Variants in CDH12 observed in about 807,000 individuals in gnomAD.
CDH12 encodes cadherin-12.
In CDH12, 41 loss-of-function variants were observed where a neutral mutation model predicts 74.1. The observed-to-expected ratio is 0.55, with a 90% CI of 0.43 to 0.72. The LOEUF (loss-of-function observed/expected upper bound fraction) is 0.72. Among genes scored for constraint, CDH12 ranks in the 30% least tolerant of loss-of-function variants. The pLI is 0.00. For missense variants in CDH12, 945 were observed against 977.2 expected (o/e 0.97, Z 0.44); for synonymous variants, 399 against 355.0 (o/e 1.12, Z -1.39).
At chr5:22,350,858 T>C (rs1580552037) in intron 3 of CDH12, among the ~76,000 whole-genome samples, 2 of 152,280 alleles carry the variant, frequency 1.3e-5, no homozygotes, top group East Asian at 3.9e-4. Flanking sequence ...GTTATGTTTA[T>C]AGGCAAAGGT....
intron 3 of CDH12, among the ~76,000 whole-genome samples, chr5:22,329,464 T>G (rs1470136017): frequency 6.6e-6 from 1 of 152,156 alleles, no homozygotes; most frequent in Non-Finnish European, 1.5e-5. Flanking sequence ...GATGGAAGAA[T>G]AGAAGCTTAC....
intron 3 of CDH12, among the ~76,000 whole-genome samples, chr5:22,332,294 A>G (rs1739383150): frequency 6.6e-6 from 1 of 152,218 alleles, no homozygotes; most frequent in Admixed American, 6.5e-5. Flanking sequence ...ATGGAGCTCC[A>G]GTACACCTAG....
intron 2 of CDH12, among the ~76,000 whole-genome samples, chr5:22,500,328 T>C (rs1747281271): frequency 6.6e-6 from 1 of 152,170 alleles, no homozygotes; most frequent in Non-Finnish European, 1.5e-5. Flanking sequence ...TTCCCTTCCT[T>C]GATTATTTGA....
At chr5:22,412,976 TTACTATGG>T (rs1743224818) in intron 2 of CDH12, among the ~76,000 whole-genome samples, 1 of 152,014 alleles carries the variant, frequency 6.6e-6, no homozygotes, top group African/African-American at 2.4e-5. Flanking sequence ...CCAGCCTATG[TTACTATGG>T]AATCAGCTAT....
intron 4 of CDH12, among the ~76,000 whole-genome samples, chr5:22,192,033 T>G (rs1192787601): frequency 6.6e-6 from 1 of 152,124 alleles, no homozygotes; most frequent in Non-Finnish European, 1.5e-5. Context: ...CCTCCAGGAT[T>G]CAAGTGATTC....
chr5:22,845,560 G>A (rs186571031), intron 1 of CDH12, among the ~76,000 whole-genome samples: 1 of 152,282 alleles, frequency 6.6e-6, no homozygotes, highest in Admixed American at 6.5e-5. Context: ...ATCATCATAT[G>A]ATATGAAGTA....
intron 4 of CDH12, among the ~76,000 whole-genome samples, chr5:22,201,614 C>T (rs1426049977): frequency 6.6e-6 from 1 of 152,028 alleles, no homozygotes; most frequent in Admixed American, 6.6e-5. Context: ...CCAGACTTCA[C>T]CCTATGCAAT....
chr5:22,407,135 T>A (rs1269659138), intron 2 of CDH12, among the ~76,000 whole-genome samples: 1 of 152,088 alleles, frequency 6.6e-6, no homozygotes, highest in Non-Finnish European at 1.5e-5. Context: ...GTACACATTA[T>A]ATCCAGCAGC....
chr5:21,804,546 G>A (rs1034056887), intron 9 of CDH12, among the ~76,000 whole-genome samples: 1 of 151,868 alleles, frequency 6.6e-6, no homozygotes, highest in African/African-American at 2.4e-5. Context: ...GCCTCTGAGT[G>A]GTGAATTAAT....
At chr5:22,639,048 CTCAAAAAAAAAAAAAAAAA>C (rs1561544766) in intron 1 of CDH12, 2 of 64,878 alleles carry the variant, frequency 3.1e-5, no homozygotes. Flanking sequence ...GAGAGTCCGC[CTCAAAAAAAAAAAAAAAAA>C]AAAAAAAAAA....
At chr5:22,304,306 T>A (rs904013884) in intron 3 of CDH12, among the ~76,000 whole-genome samples, 5 of 152,162 alleles carry the variant, frequency 3.3e-5, no homozygotes, top group African/African-American at 1.2e-4. Context: ...TCACTAGATA[T>A]GAGACAACAT....
At chr5:22,394,980 A>C (rs1580603108) in intron 3 of CDH12, among the ~76,000 whole-genome samples, 2 of 152,230 alleles carry the variant, frequency 1.3e-5, no homozygotes, top group East Asian at 3.9e-4. Context: ...TCAGGGGCTG[A>C]GGTTAGACTG....
chr5:22,391,253 G>T (rs1431599338), intron 3 of CDH12, among the ~76,000 whole-genome samples: 1 of 152,134 alleles, frequency 6.6e-6, no homozygotes, highest in African/African-American at 2.4e-5. Flanking sequence ...ATGGAACTCT[G>T]GGAAAAGCAT....
In CDH12 at chr5:22,552,629, G is replaced by A. The variant is rs545907893; in HGVS notation, c.-522-47265C>T. On this transcript the variant is annotated intron_variant, in intron 1 of 14. Coordinates refer to ENST00000382254, the MANE Select transcript of CDH12 (RefSeq NM_004061.5). ...TTTTTAATAGAGATGGGGTTTCACC[G>A]TGTTAGTCAGGGTTGTCTTGATCTC... 1.6e-3 allele frequency among the ~76,000 whole-genome samples: 240 copies of A among 152,056 alleles called. 1 individual carries two copies. The highest frequency in any genetic ancestry group is 2.6e-3 in the Non-Finnish European group (175 of 67,968).
At chr5:22,281,829 T>C (rs959885510) in intron 3 of CDH12, among the ~76,000 whole-genome samples, 1 of 152,072 alleles carries the variant, frequency 6.6e-6, no homozygotes, top group Admixed American at 6.6e-5. Context: ...ATGCTATTCC[T>C]GTGAAGCTAT....
intron 4 of CDH12, among the ~76,000 whole-genome samples, chr5:22,106,039 G>A (rs1201031811): frequency 1.3e-5 from 2 of 152,124 alleles, no homozygotes; most frequent in Non-Finnish European, 2.9e-5. Flanking sequence ...TGCCATAGAA[G>A]TTTCCATTTT....
chr5:21,949,446 T>G (rs986992178), intron 6 of CDH12, among the ~76,000 whole-genome samples: 5 of 128,668 alleles, frequency 3.9e-5, no homozygotes, highest in Non-Finnish European at 6.1e-5. Flanking sequence ...CGAGACTCTG[T>G]CTCAAAAAAA....
intron 11 of CDH12, among the ~76,000 whole-genome samples, chr5:21,771,953 A>C (rs1344126911): frequency 6.6e-6 from 1 of 152,160 alleles, no homozygotes; most frequent in Non-Finnish European, 1.5e-5. Flanking sequence ...TGTCATTCGT[A>C]AGATCTTTGT....
At chr5:22,218,171 A>C (rs1197636313) in intron 3 of CDH12, among the ~76,000 whole-genome samples, 1 of 151,788 alleles carries the variant, frequency 6.6e-6, no homozygotes, top group African/African-American at 2.4e-5. Context: ...CAATCACTCT[A>C]AAATACATTG....
Sources: gnomAD v4.1 joint callset for allele counts (sites outside exome capture counted in the v4.1 genomes callset) on GRCh38, gnomAD v4.1.1 for gene constraint, MANE v1.5 for transcripts, NCBI Gene and HGNC (gene_info 2026-07-23, HGNC 2026-07-21) for gene names.